MEIS1: variants seen among roughly 807,000 people sequenced by gnomAD.
The protein encoded by MEIS1 is Meis homeobox 1.
MEIS1 carries 5 observed loss-of-function variants against 50.8 expected under a neutral mutation model. The observed-to-expected ratio is 0.10, with a 90% confidence interval of 0.05 to 0.21. MEIS1 has a LOEUF of 0.21. Ranked by LOEUF, MEIS1 falls within the 10% of genes least tolerant of loss-of-function variation. The pLI, the probability that MEIS1 is intolerant of heterozygous loss-of-function variation, is 1.00. For missense variants in MEIS1, 318 were observed against 517.3 expected (o/e 0.61, Z 3.74); for synonymous variants, 176 against 179.3 (o/e 0.98, Z 0.15).
chr2:66,452,181 G>A (rs899105858), intron 6 of MEIS1, among the ~76,000 whole-genome samples: 1 of 151,762 alleles, frequency 6.6e-6, no homozygotes, highest in Non-Finnish European at 1.5e-5. Flanking sequence ...TATAATCCAC[G>A]CTTGAGAATA....
intron 7 of MEIS1, among the ~76,000 whole-genome samples, chr2:66,464,789 G>T (rs1672596502): frequency 6.6e-6 from 1 of 152,280 alleles, no homozygotes; most frequent in Admixed American, 6.5e-5. Context: ...GTTAATTTGT[G>T]TTGTCCTGTG....
intron 9 of MEIS1, among the ~76,000 whole-genome samples, chr2:66,555,273 TCTCTCTC>T (rs1415339543): frequency 1.2e-4 from 3 of 25,260 alleles, no homozygotes; most frequent in African/African-American, 2.8e-4. Context: ...TCTCTCTCTC[TCTCTCTC>T]GTCTCTCTCC....
intron 8 of MEIS1, among the ~76,000 whole-genome samples, chr2:66,517,940 G>A (rs758471714): frequency 6.6e-6 from 1 of 152,098 alleles, no homozygotes; most frequent in Admixed American, 6.6e-5. Context: ...CAGAAGAATC[G>A]GAGTTAATAC....
At chr2:66,492,808 CT>C (rs1268202913) in intron 7 of MEIS1, among the ~76,000 whole-genome samples, 1 of 152,156 alleles carries the variant, frequency 6.6e-6, no homozygotes, top group Admixed American at 6.6e-5. Flanking sequence ...TTGGACAACT[CT>C]TTTTTTGTTG....
chr2:66,515,917 G>A (rs901590361), intron 8 of MEIS1, among the ~76,000 whole-genome samples: 3 of 152,092 alleles, frequency 2.0e-5, no homozygotes, highest in African/African-American at 7.2e-5. Context: ...ATCAGTTCAG[G>A]GGCATATGTC....
At chr2:66,501,145 T>C (rs1186972123) in intron 7 of MEIS1, among the ~76,000 whole-genome samples, 2 of 152,182 alleles carry the variant, frequency 1.3e-5, no homozygotes, top group Non-Finnish European at 2.9e-5. Flanking sequence ...GAACTAGCAT[T>C]ATTAAAATAA....
At chr2:66,496,725 C>T (rs1473304675) in intron 7 of MEIS1, among the ~76,000 whole-genome samples, 2 of 152,174 alleles carry the variant, frequency 1.3e-5, no homozygotes, top group Non-Finnish European at 2.9e-5. Flanking sequence ...ATTTGGATAG[C>T]TGGTTGCTCA....
In MEIS1 at chr2:66,571,516, T is replaced by C. The variant is rs997397725; in HGVS notation, c.*308T>C. ...ACAATGAGTGGACAAGTCATGGACA[T>C]TCATGCTCAGTAGCTTAAGGGAATA... On this transcript the variant is annotated 3_prime_UTR_variant, in exon 13 of 13. Transcript: ENST00000272369. 1.9e-6 allele frequency: 3 copies of C among 1,569,834 alleles called. No individual in the cohort carries two copies. The highest frequency in any genetic ancestry group is 2.6e-6 in the Non-Finnish European group (3 of 1,158,266).
chr2:66,515,522 AAG>A (rs1418377817), intron 8 of MEIS1, among the ~76,000 whole-genome samples: 1 of 152,192 alleles, frequency 6.6e-6, no homozygotes, highest in Non-Finnish European at 1.5e-5. Context: ...TACTACTCCA[AAG>A]AGAGAACTAA....
chr2:66,573,128 A>G lies in MEIS1; in HGVS notation c.*1920A>G, dbSNP rs1675514110. The G allele has an allele frequency of 6.6e-6, 1 of 152,234 alleles. No individual in the cohort carries two copies. Among genetic ancestry groups the G allele is most frequent in the African/African-American group, 2.4e-5 (1 of 41,462 alleles). The allele number at this position is 152,234 out of a possible 1,614,324, so 9.4% of individuals were successfully genotyped here. Reference sequence around the variant, plus strand: ...GTATATGTTTATTAGGAAATTAACTACATGAATTGAAGAGACCAGACTTCA... The same window carrying G: ...GTATATGTTTATTAGGAAATTAACTGCATGAATTGAAGAGACCAGACTTCA... On this transcript the variant is annotated 3_prime_UTR_variant, in exon 13 of 13. Transcript: ENST00000272369.
chr2:66,459,534 G>T (rs754405928), intron 6 of MEIS1, among the ~76,000 whole-genome samples: 2 of 152,190 alleles, frequency 1.3e-5, no homozygotes, highest in Non-Finnish European at 2.9e-5. Context: ...CTCACAGAGC[G>T]TATGATCTGG....
intron 7 of MEIS1, among the ~76,000 whole-genome samples, chr2:66,511,635 C>T (rs1174434629): frequency 6.6e-6 from 1 of 152,120 alleles, no homozygotes; most frequent in Non-Finnish European, 1.5e-5. Flanking sequence ...CTATGTCAAA[C>T]TGCTTATATG....
intron 8 of MEIS1, among the ~76,000 whole-genome samples, chr2:66,530,558 CA>C (rs1159620073): frequency 6.6e-6 from 1 of 151,808 alleles, no homozygotes; most frequent in Non-Finnish European, 1.5e-5. Flanking sequence ...CCTAAAAATA[CA>C]AAAAAAATTA....
Position 66,436,877 on chromosome 2 carries a change from T to G in MEIS1, c.13-860T>G, listed in dbSNP as rs1415650167. The G allele has an allele frequency of 8.1e-6, 8 of 983,926 alleles. No homozygotes were observed. The East Asian group carries it at 6.8e-4, about 84-fold the overall frequency. 60.9% of individuals were successfully genotyped at this position (983,926 alleles called of 1,614,324 possible). A position where few individuals can be genotyped will look rare whatever the true frequency, so the allele number is the denominator to read the frequency against. ...TGACAATCAATATGAAAGTAGTTTTTTTTTTTTTTTTCTGGAAGAGGAAGA... is the reference window on the plus strand; with the variant it reads ...TGACAATCAATATGAAAGTAGTTTTGTTTTTTTTTTTCTGGAAGAGGAAGA... On this transcript the variant is annotated intron_variant, in intron 1 of 12. Coordinates refer to ENST00000272369, the MANE Select transcript of MEIS1 (RefSeq NM_002398.3).
intron 8 of MEIS1, among the ~76,000 whole-genome samples, chr2:66,520,648 T>C (rs1674094213): frequency 6.6e-6 from 1 of 152,234 alleles, no homozygotes; most frequent in Non-Finnish European, 1.5e-5. Context: ...ATTGGATTAT[T>C]CTATCCTTTC....
At chr2:66,555,718 G>C (rs994672080) in intron 9 of MEIS1, among the ~76,000 whole-genome samples, 2 of 152,126 alleles carry the variant, frequency 1.3e-5, no homozygotes, top group East Asian at 3.9e-4. Flanking sequence ...CGGAAGCGCA[G>C]TACCCAGAGA....
Position 66,450,477 on chromosome 2 carries a change from T to C in MEIS1, c.630+7429T>C, listed in dbSNP as rs1187925854. 2.0e-5 allele frequency among the ~76,000 whole-genome samples: 3 copies of C among 152,164 alleles called. No individual in the cohort carries two copies. In the East Asian group the frequency reaches 5.8e-4, roughly 29 times the overall value. On this transcript the variant is annotated intron_variant, in intron 6 of 12. Transcript: ENST00000272369. ...AAAATCCTTAAATGAAATCATATTA[T>C]TCAAAAAAAATAAAATGCCTGTTAT...
intron 7 of MEIS1, among the ~76,000 whole-genome samples, chr2:66,485,245 A>G (rs979057566): frequency 6.6e-6 from 1 of 151,926 alleles, no homozygotes. Flanking sequence ...TCCTAACACT[A>G]TCCCTCCCCT....
intron 5 of MEIS1, among the ~76,000 whole-genome samples, chr2:66,442,080 A>C (rs1325806193): frequency 6.6e-6 from 1 of 152,208 alleles, no homozygotes; most frequent in African/African-American, 2.4e-5. Context: ...AGGGTGTGGG[A>C]TAACATGATT....
Sources: allele counts gnomAD v4.1 joint callset (sites outside exome capture counted in the v4.1 genomes callset), GRCh38; gene constraint gnomAD v4.1.1; transcripts MANE v1.5; gene names NCBI Gene and HGNC (gene_info 2026-07-23, HGNC 2026-07-21).